The following FSTL5 variants were observed in gnomAD, a reference collection of about 807,000 sequenced individuals.
The protein encoded by FSTL5 is follistatin like 5.
In FSTL5, 62 loss-of-function variants were observed where a neutral mutation model predicts 89.1. The observed-to-expected ratio is 0.70, with a 90% CI of 0.57 to 0.86. The LOEUF is 0.86. Among genes scored for constraint, FSTL5 ranks in the 40% least tolerant of loss-of-function variants. FSTL5 has a pLI of 0.00. For missense variants in FSTL5, 1,057 were observed against 1,001.6 expected (o/e 1.06, Z -0.75); for synonymous variants, 383 against 346.2 (o/e 1.11, Z -1.18).
At chr4:161,826,972 T>C (rs1237362648) in intron 4 of FSTL5, among the ~76,000 whole-genome samples, 1 of 152,200 alleles carries the variant, frequency 6.6e-6, no homozygotes, top group East Asian at 1.9e-4. Flanking sequence ...GTGTTTTTGT[T>C]TTATGGGCCC....
At chr4:161,983,327 G>A (rs1479011908) in intron 3 of FSTL5, among the ~76,000 whole-genome samples, 2 of 152,132 alleles carry the variant, frequency 1.3e-5, no homozygotes, top group African/African-American at 4.8e-5. Context: ...GGACTTTTGA[G>A]GCAGCCAAGA....
chr4:161,809,672 A>T (rs1730080045), intron 4 of FSTL5, among the ~76,000 whole-genome samples: 1 of 152,238 alleles, frequency 6.6e-6, no homozygotes, highest in African/African-American at 2.4e-5. Flanking sequence ...ACATTCTGAC[A>T]TACGCTACAG....
At chr4:161,655,981 A>G (rs2126681872) in intron 7 of FSTL5, among the ~76,000 whole-genome samples, 1 of 152,296 alleles carries the variant, frequency 6.6e-6, no homozygotes, top group Non-Finnish European at 1.5e-5. Flanking sequence ...ATGTACTTGA[A>G]CACGCATATA....
At chr4:161,624,362 T>C (rs1008593497) in intron 7 of FSTL5, among the ~76,000 whole-genome samples, 3 of 152,014 alleles carry the variant, frequency 2.0e-5, no homozygotes, top group Admixed American at 1.3e-4. Flanking sequence ...TATCCATAGA[T>C]AATAATTTAA....
chr4:161,647,402 GT>G, intron 7 of FSTL5, among the ~76,000 whole-genome samples: 1 of 152,070 alleles, frequency 6.6e-6, no homozygotes, highest in East Asian at 1.9e-4. Flanking sequence ...TTAGTAGTAA[GT>G]TTTGAAATAA....
chr4:161,561,460 A>G (rs1018830217), intron 8 of FSTL5, among the ~76,000 whole-genome samples: 7 of 151,958 alleles, frequency 4.6e-5, no homozygotes, highest in African/African-American at 1.7e-4. Context: ...GTTTGAGATG[A>G]ATGCCTGGTG....
intron 4 of FSTL5, among the ~76,000 whole-genome samples, chr4:161,844,751 G>A (rs1193673015): frequency 6.6e-6 from 1 of 152,082 alleles, no homozygotes; most frequent in Non-Finnish European, 1.5e-5. Flanking sequence ...GAGAACACAT[G>A]GACACAGGGA....
chr4:161,405,101 T>C (rs28416279), intron 15 of FSTL5, among the ~76,000 whole-genome samples: 23,682 of 151,648 alleles, frequency 0.16, 1,958 homozygotes, highest in East Asian at 0.24. Flanking sequence ...GGTATGGTGG[T>C]GGGCACCTGT....
At chr4:161,866,907 T>G (rs926353308) in intron 4 of FSTL5, among the ~76,000 whole-genome samples, 1 of 152,010 alleles carries the variant, frequency 6.6e-6, no homozygotes, top group East Asian at 1.9e-4. Flanking sequence ...TATGCAGCAA[T>G]TAAGTGGTAA....
intron 6 of FSTL5, among the ~76,000 whole-genome samples, chr4:161,684,150 A>C (rs1203276221): frequency 6.6e-6 from 1 of 151,220 alleles, no homozygotes; most frequent in African/African-American, 2.4e-5. Flanking sequence ...TCCATGGTAT[A>C]CTACAATTTC....
intron 15 of FSTL5, among the ~76,000 whole-genome samples, chr4:161,433,705 TA>T (rs1440087329): frequency 1.3e-5 from 2 of 152,088 alleles, no homozygotes; most frequent in African/African-American, 4.8e-5. Context: ...ACAAATTCAG[TA>T]AAGTTGCAGG....
chr4:161,415,842 ATATAT>A (rs1731762688), intron 15 of FSTL5, among the ~76,000 whole-genome samples: 1 of 127,646 alleles, frequency 7.8e-6, no homozygotes. Flanking sequence ...ATATATATAT[ATATAT>A]ATCATTTCAA....
chr4:161,430,612 C>T (rs1180446678), intron 15 of FSTL5, among the ~76,000 whole-genome samples: 3 of 152,076 alleles, frequency 2.0e-5, no homozygotes, highest in African/African-American at 4.8e-5. Context: ...TGGTAGTGGG[C>T]GCCTGTAGTC....
intron 6 of FSTL5, among the ~76,000 whole-genome samples, chr4:161,707,617 C>G (rs546577403): frequency 6.6e-6 from 1 of 151,946 alleles, no homozygotes; most frequent in South Asian, 2.1e-4. Flanking sequence ...AATTTTTTCA[C>G]GAAATCTTGC....
chr4:161,898,722 C>T (rs541906691), intron 4 of FSTL5, among the ~76,000 whole-genome samples: 39 of 151,466 alleles, frequency 2.6e-4, no homozygotes, highest in African/African-American at 9.2e-4. Flanking sequence ...CTCCGCCTCC[C>T]GGGTTCATGC....
intron 3 of FSTL5, among the ~76,000 whole-genome samples, chr4:161,946,684 T>A (rs557812658): frequency 6.6e-6 from 1 of 152,294 alleles, no homozygotes; most frequent in South Asian, 2.1e-4. Context: ...ATGGGGATAA[T>A]ATGAATAAAG....
intron 6 of FSTL5, among the ~76,000 whole-genome samples, chr4:161,676,020 G>A (rs1322505939): frequency 6.6e-6 from 1 of 152,056 alleles, no homozygotes; most frequent in Admixed American, 6.6e-5. Flanking sequence ...CTGGTTTCTG[G>A]TATAATTCTG....
At chr4:162,011,071 G>A (rs6819035) in intron 3 of FSTL5, among the ~76,000 whole-genome samples, 3,280 of 152,182 alleles carry the variant, frequency 0.022, 155 homozygotes, top group East Asian at 0.19. Flanking sequence ...GATGCCCCAC[G>A]AAGGCAGAAC....
intron 2 of FSTL5, among the ~76,000 whole-genome samples, chr4:162,050,152 G>T (rs79136947): frequency 6.6e-6 from 1 of 151,640 alleles, no homozygotes; most frequent in African/African-American, 2.4e-5. Context: ...TAAATTTTCC[G>T]CAAGTGAATA....
Sources: gnomAD v4.1 joint callset for allele counts (sites outside exome capture counted in the v4.1 genomes callset) on GRCh38, gnomAD v4.1.1 for gene constraint, MANE v1.5 for transcripts, NCBI Gene and HGNC (gene_info 2026-07-23, HGNC 2026-07-21) for gene names.